The following KRT2 variants were observed in gnomAD, a reference collection of about 807,000 sequenced individuals.
KRT2 encodes keratin 2, also known as keratin, type II cytoskeletal 2 epidermal.
In KRT2, 37 loss-of-function variants were observed where a neutral mutation model predicts 48.5. The observed-to-expected ratio is 0.76, with a 90% CI of 0.59 to 1.00. KRT2 has a LOEUF of 1.00. Among genes scored for constraint, KRT2 ranks in the 50% least tolerant of loss-of-function variants. The pLI is 0.00. For missense variants in KRT2, 880 were observed against 815.2 expected, an observed-to-expected ratio of 1.08 and a Z score of -0.97; for synonymous variants, 324 against 312.2, an observed-to-expected ratio of 1.04 and a Z score of -0.40.
Position 52,651,660 on chromosome 12 carries a change from C to T in KRT2, c.483G>A (p.Gln161=), listed in dbSNP as rs2120955328. ...HEVSVNQSLL[Q]PLNVKVDPEI... ...CTGGGTCAACTTTCACGTTGAGAGG[C>T]TGCAGGAGGCTCTGGTTGACAGAGA... Residue 161 remains glutamine, a synonymous_variant, in exon 1 of 9, where the codon CAG becomes CAA. Coordinates refer to ENST00000309680, the MANE Select transcript of KRT2 (RefSeq NM_000423.3). 1 of 1,614,078 alleles carries T rather than the reference C, an allele frequency of 6.2e-7. No homozygotes were observed. Among genetic ancestry groups the T allele is most frequent in the Non-Finnish European group, 8.5e-7 (1 of 1,179,998 alleles).
chr12:52,645,514 G>A (rs2120937330), intron 8 of KRT2, 21 bp downstream of exon 8: 1 of 1,614,080 alleles, frequency 6.2e-7, no homozygotes, highest in East Asian at 2.2e-5. Context: ...CCATGGAACA[G>A]GACCACACCC....
rs182369139 is a variant in KRT2, at chr12:52,651,849, G to A, written c.294C>T (p.Gly98=). 3.7e-5 allele frequency: 60 copies of A among 1,602,942 alleles called. No individual in the cohort carries two copies. The highest frequency in any genetic ancestry group is 1.7e-4 in the Middle Eastern group (1 of 6,030). Residue 98 remains glycine (G), a synonymous_variant, in exon 1 of 9, where the codon GGC becomes GGT. Coordinates refer to ENST00000309680, the MANE Select transcript of KRT2 (RefSeq NM_000423.3). ...GFGGRGGGFG[G]GSSFGGGSGF... is the part of the protein sequence containing the mutation. ...CGCTGCCACCTCCAAAGCTGCTGCC[G>A]CCTCCAAAACCACCTCCTCTGCCAC...
At chr12:52,647,018 G>A in intron 6 of KRT2, 58 bp from the exon 7 acceptor site, 2 of 1,512,790 alleles carry the variant, frequency 1.3e-6, no homozygotes, top group Non-Finnish European at 1.8e-6. Context: ...GAGAGCAGAG[G>A]TGTTCGAAGT....
chr12:52,647,185 C>G (rs997534934), intron 6 of KRT2, among the ~76,000 whole-genome samples: 23 of 152,196 alleles, frequency 1.5e-4, no homozygotes, highest in Non-Finnish European at 2.9e-4. Context: ...CCCTTTGATC[C>G]TCACATCACA....
chr12:52,645,069 C>T lies in KRT2; in HGVS notation c.1870G>A (p.Gly624Ser). The T allele has an allele frequency of 6.2e-7, 1 of 1,614,012 alleles. No homozygotes were observed. The highest frequency in any genetic ancestry group is 8.5e-7 in the Non-Finnish European group (1 of 1,180,002). ...SGGGGSSSVK[G>S]SSGEAFGSSV... ...GAACCAAAAGCTTCACCTGAGCTACCCTTTACAGAGCTAGAACCCCCACCT... is the reference window on the plus strand; with the variant it reads ...GAACCAAAAGCTTCACCTGAGCTACTCTTTACAGAGCTAGAACCCCCACCT... Residue 624 changes from glycine to serine, a missense_variant, in exon 9 of 9, where the codon GGT becomes AGT. Coordinates refer to ENST00000309680, the MANE Select transcript of KRT2 (RefSeq NM_000423.3).
At position 52,648,423 on chromosome 12, in the gene KRT2, C is replaced by T. The variant is rs921920223; in HGVS notation, c.958-86G>A. On this transcript the variant is annotated intron_variant, in intron 4 of 8. Coordinates refer to ENST00000309680, the MANE Select transcript of KRT2 (RefSeq NM_000423.3). ...CCTCTGTCTCCCAGCATAAGGGAAA[C>T]GCAGACCCTCAGACTAAGCATACAC... is the stretch of plus-strand genomic sequence containing the variant. The T allele has an allele frequency of 5.5e-5, 62 of 1,125,874 alleles. 1 individual carries two copies. Among genetic ancestry groups the T allele is most frequent in the South Asian group, 2.1e-4 (17 of 81,142 alleles). 69.7% of individuals were successfully genotyped at this position (1,125,874 alleles called of 1,614,324 possible).
chr12:52,650,234 C>G, intron 2 of KRT2, 105 bp downstream of exon 2: 1 of 975,822 alleles, frequency 1.0e-6, no homozygotes, highest in South Asian at 1.3e-5. Context: ...TGCCTCTCCC[C>G]ATTACCACCA....
intron 5 of KRT2, 66 bp downstream of exon 5, chr12:52,648,107 C>T (rs1941195431): frequency 3.9e-6 from 6 of 1,542,018 alleles, no homozygotes; most frequent in South Asian, 1.1e-5. Context: ...TGTACACTTT[C>T]CAGCTGGGGG....
At chr12:52,650,948 A>C (rs1941240267) in intron 1 of KRT2, among the ~76,000 whole-genome samples, 1 of 152,212 alleles carries the variant, frequency 6.6e-6, no homozygotes, top group South Asian at 2.1e-4. Context: ...TGAGAGTCCC[A>C]GAGGGCAGGG....
In KRT2 at chr12:52,648,999, C is replaced by G. The variant is rs752953479; in HGVS notation, c.957+8G>C. 1.9e-6 allele frequency: 3 copies of G among 1,562,452 alleles called. No homozygotes were observed. The highest frequency in any genetic ancestry group is 2.2e-5 in the East Asian group (1 of 44,586). ...AAGTAAGGGACTGTCCCGGAGCAGCCTCCTTACCGCATCATAGAGAACTTT... is the reference window on the plus strand; with the variant it reads ...AAGTAAGGGACTGTCCCGGAGCAGCGTCCTTACCGCATCATAGAGAACTTT... On this transcript the variant is annotated splice_region_variant and intron_variant, in intron 4 of 8. Coordinates refer to ENST00000309680, the MANE Select transcript of KRT2 (RefSeq NM_000423.3).
intron 5 of KRT2, 146 bp from the exon 6 acceptor site, chr12:52,648,001 C>CTG: frequency 7.9e-7 from 1 of 1,260,458 alleles, no homozygotes; most frequent in East Asian, 2.4e-5. Flanking sequence ...GAGGTAGGGA[C>CTG]TGTCTCACAT....
chr12:52,645,629 GT>G (rs1941153114), intron 7 of KRT2, 60 bp from the exon 8 acceptor site: 1 of 1,552,970 alleles, frequency 6.4e-7, no homozygotes, highest in East Asian at 2.2e-5. Context: ...TATGCATGTT[GT>G]TTTACCACTT....
At position 52,644,927 on chromosome 12, in the gene KRT2, C is replaced by T. The variant is rs1273894371; in HGVS notation, c.*92G>A. On this transcript the variant is annotated 3_prime_UTR_variant, in exon 9 of 9. Transcript: ENST00000309680. Reference sequence around the variant, plus strand: ...TCAGAGATAAATGACAAAAATTTAACTTGCTGCCAGTTAGAGGTACAGAGA... The same window carrying T: ...TCAGAGATAAATGACAAAAATTTAATTTGCTGCCAGTTAGAGGTACAGAGA... The T allele has an allele frequency of 1.4e-6, 2 of 1,412,098 alleles. No individual in the cohort carries two copies. Among genetic ancestry groups the T allele is most frequent in the Non-Finnish European group, 2.0e-6 (2 of 1,011,118 alleles). 87.5% of individuals were successfully genotyped at this position (1,412,098 alleles called of 1,614,324 possible).
Position 52,644,914 on chromosome 12 carries a change from G to T in KRT2, c.*105C>A, listed in dbSNP as rs924317224. ...CCTCAAAGTGCCATCAGAGATAAATGACAAAAATTTAACTTGCTGCCAGTT... is the reference window on the plus strand; with the variant it reads ...CCTCAAAGTGCCATCAGAGATAAATTACAAAAATTTAACTTGCTGCCAGTT... On this transcript the variant is annotated 3_prime_UTR_variant, in exon 9 of 9. Transcript: ENST00000309680. The T allele has an allele frequency of 8.0e-7, 1 of 1,246,200 alleles. No individual in the cohort carries two copies. The allele number at this position is 1,246,200 out of a possible 1,614,324, so 77.2% of individuals were successfully genotyped here. A position where few individuals can be genotyped will look rare whatever the true frequency, so the allele number is the denominator to read the frequency against.
In KRT2 at chr12:52,648,350, G is replaced by A; in HGVS notation, c.958-13C>T. 1 of 1,613,188 alleles carries A rather than the reference G, an allele frequency of 6.2e-7. No homozygotes were observed. The highest frequency in any genetic ancestry group is 8.5e-7 in the Non-Finnish European group (1 of 1,179,178). On this transcript the variant is annotated splice_polypyrimidine_tract_variant and intron_variant, in intron 4 of 8. Transcript: ENST00000309680. ...TCTGGGATATCTCCTACAACACACA[G>A]GAAGGTCTGGTCATGACATCCTGCC... is the stretch of plus-strand genomic sequence containing the variant.
At chr12:52,647,220 A>C (rs778235915) in intron 6 of KRT2, among the ~76,000 whole-genome samples, 13 of 152,148 alleles carry the variant, frequency 8.5e-5, no homozygotes, top group Non-Finnish European at 1.5e-4. Context: ...ATCCCATTTT[A>C]CAGATGGAAA....
In KRT2 at chr12:52,645,270, A is replaced by C; in HGVS notation, c.1669T>G (p.Ser557Ala). Residue 557 changes from serine to alanine, a missense_variant, in exon 9 of 9, where the codon TCT (serine) becomes GCT (alanine). Ser to Ala is a moderately conservative substitution (Grantham distance 99). Coordinates refer to ENST00000309680, the MANE Select transcript of KRT2 (RefSeq NM_000423.3). ...GSRGGSGGGG[S>A]ISGGGYGSGG... ...GAGCCATATCCTCCTCCAGAGATAG[A>C]ACCTCCTCCTCCACTACCGCCTCTG... 6.2e-7 allele frequency: 1 copy of C among 1,614,096 alleles called. No homozygotes were observed. The highest frequency in any genetic ancestry group is 8.5e-7 in the Non-Finnish European group (1 of 1,180,020).
intron 1 of KRT2, 31 bp downstream of exon 1, chr12:52,651,527 C>G: frequency 6.7e-7 from 1 of 1,495,828 alleles, no homozygotes; most frequent in Non-Finnish European, 9.3e-7. Flanking sequence ...GTGGCCTGAG[C>G]ATCAGTGGGA....
chr12:52,645,163 T>G lies in KRT2; in HGVS notation c.1776A>C (p.Gly592=), dbSNP rs201838278. The G allele has an allele frequency of 5.5e-5, 88 of 1,613,584 alleles. No individual in the cohort carries two copies. Among genetic ancestry groups the G allele is most frequent in the Non-Finnish European group, 6.9e-5 (81 of 1,179,926 alleles). Residue 592 remains glycine, a synonymous_variant, in exon 9 of 9, where the codon GGA becomes GGC. Transcript: ENST00000309680. ...CACCTCCAGAGCTGTGTTTTCCACC[T>G]CCAGAGCCATATCCTCCTCCAGAGA... ...GSISGGGYGS[G]GGKHSSGGGS... is the part of the protein sequence containing the mutation.
Sources: gnomAD v4.1 joint callset for allele counts (sites outside exome capture counted in the v4.1 genomes callset) on GRCh38, gnomAD v4.1.1 for gene constraint, MANE v1.5 for transcripts, NCBI Gene and HGNC (gene_info 2026-07-23, HGNC 2026-07-21) for gene names.